Variants in FANCA observed in about 807,000 individuals in gnomAD.
FANCA encodes Fanconi anemia group A protein.
A neutral mutation model predicts 194.3 loss-of-function variants in FANCA; 236 were observed. The ratio of observed to expected loss-of-function variants is 1.21; its 90% CI spans 1.09 to 1.35. The LOEUF (loss-of-function observed/expected upper bound fraction) is 1.35. Ranked by LOEUF, FANCA falls within the 40% of genes most tolerant of loss-of-function variation. FANCA has a pLI of 0.00. For synonymous variants in FANCA, 1,014 were observed against 715.8 expected, an observed-to-expected ratio of 1.42 and a Z score of -6.65; for missense variants, 2,628 against 1,813.9, an observed-to-expected ratio of 1.45 and a Z score of -8.15.
intron 12 of FANCA, 136 bp from the exon 13 acceptor site, chr16:89,792,204 C>G (rs1598153157): frequency 2.8e-6 from 3 of 1,072,402 alleles, no homozygotes; most frequent in African/African-American, 3.1e-5. Flanking sequence ...GGAGCTGTGA[C>G]AGCTCACACC....
chr16:89,769,471 T>TG (rs1239876765), intron 26 of FANCA, among the ~76,000 whole-genome samples: 5 of 152,180 alleles, frequency 3.3e-5, no homozygotes, highest in African/African-American at 1.2e-4. Context: ...CTACTCACCA[T>TG]GGGGTGCCGA....
At position 89,746,568 on chromosome 16, in the gene FANCA, A is replaced by C. The variant is rs1567601180; in HGVS notation, c.3513+16T>G. On this transcript the variant is annotated intron_variant, in intron 35 of 42. Transcript: ENST00000389301. ...TCATCCCCAAAACAAAACACCAAACAAGACAGCTGACCCACCAGAGCAGAG... is the reference window on the plus strand; with the variant it reads ...TCATCCCCAAAACAAAACACCAAACCAGACAGCTGACCCACCAGAGCAGAG... The C allele has an allele frequency of 6.2e-7, 1 of 1,609,462 alleles. No individual in the cohort carries two copies. The highest frequency in any genetic ancestry group is 1.3e-5 in the African/African-American group (1 of 74,946).
chr16:89,761,833 C>G, intron 29 of FANCA, 116 bp downstream of exon 29: 4 of 836,680 alleles, frequency 4.8e-6, no homozygotes, highest in Non-Finnish European at 8.3e-6. Flanking sequence ...CCCATGTTGC[C>G]CAGGCTGACC....
Position 89,793,815 on chromosome 16 carries a change from A to G in FANCA, c.1007-1268T>C, listed in dbSNP as rs540119606. Among the ~76,000 whole-genome samples the G allele has an allele frequency of 1.4e-4, 21 of 152,194 alleles. No homozygotes were observed. In the South Asian group the frequency reaches 4.2e-3, roughly 30 times the overall value. Reference sequence around the variant, plus strand: ...ACCCAGGCTGGAGTGCAGTGGTACAATCTCGGCTCACTGCAAGCTCTGCCT... The same window carrying G: ...ACCCAGGCTGGAGTGCAGTGGTACAGTCTCGGCTCACTGCAAGCTCTGCCT... On this transcript the variant is annotated intron_variant, in intron 11 of 42. Coordinates refer to ENST00000389301, the MANE Select transcript of FANCA (RefSeq NM_000135.4).
chr16:89,752,894 CCCCCGGGGAG>C (rs1479848799), intron 30 of FANCA, among the ~76,000 whole-genome samples: 1 of 152,074 alleles, frequency 6.6e-6, no homozygotes, highest in African/African-American at 2.4e-5. Flanking sequence ...GTCTCCCTTT[CCCCCGGGGAG>C]TTTAGAGAAG....
chr16:89,808,480 C>T (rs566196062), intron 5 of FANCA, 113 bp from the exon 6 acceptor site: 4 of 1,106,752 alleles, frequency 3.6e-6, no homozygotes, highest in East Asian at 2.4e-5. Flanking sequence ...TTAACCATGC[C>T]GTATTGAAAA....
At chr16:89,786,884 G>A (rs2039916156) in intron 14 of FANCA, among the ~76,000 whole-genome samples, 2 of 152,022 alleles carry the variant, frequency 1.3e-5, no homozygotes, top group African/African-American at 2.4e-5. Flanking sequence ...AAATTCTCCC[G>A]CCAAGCACAC....
Position 89,771,739 on chromosome 16 carries a change from A to T in FANCA, c.2090T>A (p.Val697Asp), listed in dbSNP as rs777863668. The stretch of plus-strand genomic sequence containing the variant: ...GCTGAGCTGAATCTTTGATATCTCA[A>T]CGCTGCTGTCATCCTCATTGTGGCC... ...VLGHNEDDSS[V>D]EISKIQLSIN... Residue 697 changes from valine to aspartate, a missense_variant, in exon 23 of 43, where the codon GTT becomes GAT. Transcript: ENST00000389301. 7 of 1,614,068 alleles carry T rather than the reference A, an allele frequency of 4.3e-6. No homozygotes were observed. The highest frequency in any genetic ancestry group is 5.9e-6 in the Non-Finnish European group (7 of 1,180,022).
At chr16:89,758,167 G>C (rs1246615002) in intron 30 of FANCA, among the ~76,000 whole-genome samples, 2 of 152,132 alleles carry the variant, frequency 1.3e-5, no homozygotes, top group African/African-American at 2.4e-5. Context: ...CGAAGTTGTC[G>C]CTTCTGACAA....
chr16:89,753,428 A>G (rs534128764), intron 30 of FANCA, among the ~76,000 whole-genome samples: 169 of 152,132 alleles, frequency 1.1e-3, no homozygotes, highest in African/African-American at 3.9e-3. Context: ...ACAGGGAGAG[A>G]CCCACCGACC....
At chr16:89,759,750 G>A (rs1163133456) in intron 29 of FANCA, among the ~76,000 whole-genome samples, 1 of 152,214 alleles carries the variant, frequency 6.6e-6, no homozygotes, top group South Asian at 2.1e-4. Context: ...AACAGAGTGA[G>A]ACCCTGTCTC....
At chr16:89,760,379 T>A (rs2038911748) in intron 29 of FANCA, among the ~76,000 whole-genome samples, 1 of 152,196 alleles carries the variant, frequency 6.6e-6, no homozygotes, top group African/African-American at 2.4e-5. Context: ...TCATCCAGAA[T>A]CTGATACCAG....
chr16:89,738,101 A>C lies in FANCA; in HGVS notation c.*500T>G. Reference sequence around the variant, plus strand: ...TGTGGCCGGCGGTTTGAGAAGGCCCACAACCTCAATGTACACATGTCCATG... The same window carrying C: ...TGTGGCCGGCGGTTTGAGAAGGCCCCCAACCTCAATGTACACATGTCCATG... On this transcript the variant is annotated 3_prime_UTR_variant, in exon 43 of 43. Coordinates refer to ENST00000389301, the MANE Select transcript of FANCA (RefSeq NM_000135.4). The C allele has an allele frequency of 6.2e-7, 1 of 1,614,004 alleles. No individual in the cohort carries two copies. Among genetic ancestry groups the C allele is most frequent in the Non-Finnish European group, 8.5e-7 (1 of 1,180,046 alleles).
At chr16:89,750,492 C>CAAAAAAAAAA (rs1567604497) in intron 31 of FANCA, among the ~76,000 whole-genome samples, 3 of 104,266 alleles carry the variant, frequency 2.9e-5, no homozygotes, top group African/African-American at 9.5e-5. Context: ...CAAAAAAAAA[C>CAAAAAAAAAA]AAACAAAAAA....
chr16:89,741,126 G>T (rs945192673), intron 37 of FANCA, among the ~76,000 whole-genome samples: 1 of 152,202 alleles, frequency 6.6e-6, no homozygotes, highest in African/African-American at 2.4e-5. Flanking sequence ...AGAAAGAGAA[G>T]ACTGCTGCGG....
chr16:89,772,685 G>C (rs2039364966), intron 22 of FANCA, among the ~76,000 whole-genome samples: 1 of 151,958 alleles, frequency 6.6e-6, no homozygotes, highest in African/African-American at 2.4e-5. Context: ...CAGACATGGA[G>C]GCAGTCACCT....
At chr16:89,783,192 G>T in intron 15 of FANCA, 90 bp from the exon 16 acceptor site, 1 of 912,528 alleles carries the variant, frequency 1.1e-6, no homozygotes, top group Non-Finnish European at 1.8e-6. Flanking sequence ...CATCCACAGT[G>T]CTGAGTAGAG....
Position 89,742,807 on chromosome 16 carries a change from C to G in FANCA, c.3758G>C (p.Arg1253Thr). Residue 1253 changes from arginine to threonine, a missense_variant, in exon 37 of 43, where the codon AGA (arginine) becomes ACA (threonine). By Grantham distance (71) the Arg-to-Thr change is moderately conservative. Transcript: ENST00000389301. ...RKQLKKLDCE[R>T]EELLVFLFFF... ...AAGAATTTCCTATCTTGCCTCCTCTCTCTCGCAGTCCAGCTTCTTTAGCTG... is the reference window on the plus strand; with the variant it reads ...AAGAATTTCCTATCTTGCCTCCTCTGTCTCGCAGTCCAGCTTCTTTAGCTG... The G allele has an allele frequency of 6.2e-7, 1 of 1,614,152 alleles. No homozygotes were observed. The highest frequency in any genetic ancestry group is 1.1e-5 in the South Asian group (1 of 91,072).
intron 30 of FANCA, among the ~76,000 whole-genome samples, chr16:89,754,767 G>C (rs922934999): frequency 2.0e-5 from 3 of 152,172 alleles, no homozygotes; most frequent in African/African-American, 4.8e-5. Context: ...AGAATCACTG[G>C]TGTTTCTATA....
Sources: allele counts gnomAD v4.1 joint callset (sites outside exome capture counted in the v4.1 genomes callset), GRCh38; gene constraint gnomAD v4.1.1; transcripts MANE v1.5; gene names NCBI Gene and HGNC (gene_info 2026-07-23, HGNC 2026-07-21).